Variants in PCCA observed in about 807,000 individuals in gnomAD.
PCCA encodes the protein propionyl-CoA carboxylase alpha chain, mitochondrial.
PCCA carries 74 observed loss-of-function variants against 101.3 expected under a neutral mutation model. That is an observed-to-expected ratio of 0.73 (90% CI 0.61 to 0.89). PCCA has a LOEUF of 0.89. PCCA is among the 40% of genes least tolerant of loss of function. PCCA has a pLI of 0.00. For synonymous variants in PCCA, 294 were observed against 313.6 expected, an observed-to-expected ratio of 0.94 and a Z score of 0.66; for missense variants, 891 against 907.0, an observed-to-expected ratio of 0.98 and a Z score of 0.23.
intron 6 of PCCA, among the ~76,000 whole-genome samples, chr13:100,206,305 T>C (rs1044376973): frequency 1.3e-5 from 2 of 152,170 alleles, no homozygotes; most frequent in African/African-American, 2.4e-5. Context: ...CTCACTCTGT[T>C]GCCCAGGCTG....
intron 12 of PCCA, among the ~76,000 whole-genome samples, chr13:100,296,453 T>C (rs908297614): frequency 1.3e-5 from 2 of 151,494 alleles, no homozygotes; most frequent in African/African-American, 2.4e-5. Context: ...AGTTTTGCCA[T>C]GTTGTCCAGT....
intron 4 of PCCA, among the ~76,000 whole-genome samples, chr13:100,130,755 A>G (rs1256458981): frequency 6.6e-6 from 1 of 152,210 alleles, no homozygotes; most frequent in African/African-American, 2.4e-5. Flanking sequence ...TAAATATAGC[A>G]AAGTGTCTTC....
chr13:100,147,902 A>G (rs1171469978), intron 4 of PCCA, among the ~76,000 whole-genome samples: 2 of 152,110 alleles, frequency 1.3e-5, no homozygotes, highest in Non-Finnish European at 2.9e-5. Flanking sequence ...TAAAATCTGT[A>G]TAACATAAAG....
At chr13:100,242,363 C>A (rs2061192166) in intron 8 of PCCA, among the ~76,000 whole-genome samples, 1 of 152,038 alleles carries the variant, frequency 6.6e-6, no homozygotes, top group South Asian at 2.1e-4. Flanking sequence ...TGTATATGCA[C>A]CAGGAAACAT....
At chr13:100,238,365 T>G (rs2060932530) in intron 8 of PCCA, among the ~76,000 whole-genome samples, 2 of 152,296 alleles carry the variant, frequency 1.3e-5, no homozygotes, top group South Asian at 2.1e-4. Context: ...CTTTACCTCC[T>G]TTTCATTTTT....
rs371608157 is a variant in PCCA, at chr13:100,182,245, C to T, written c.468+24905C>T. Among the ~76,000 whole-genome samples, 901 of 151,484 alleles carry T rather than the reference C, an allele frequency of 5.9e-3. 7 individuals are homozygous for T. The highest frequency in any genetic ancestry group is 0.026 in the South Asian group (125 of 4,792). ...CTGAGTAGCTGGAATTACAGGTGTG[C>T]GCCACCACACCTGGCTCATTTTTGT... On this transcript the variant is annotated intron_variant, in intron 6 of 23. Transcript: ENST00000376285.
At chr13:100,277,607 C>G (rs1162016485) in intron 12 of PCCA, among the ~76,000 whole-genome samples, 1 of 152,128 alleles carries the variant, frequency 6.6e-6, no homozygotes, top group Non-Finnish European at 1.5e-5. Context: ...AAGCAGTGAG[C>G]GGGCAGTGGA....
At chr13:100,338,486 A>G (rs1160451790) in intron 17 of PCCA, among the ~76,000 whole-genome samples, 1 of 152,116 alleles carries the variant, frequency 6.6e-6, no homozygotes. Context: ...TGACCTTGCA[A>G]GGACTCCTGG....
chr13:100,250,504 T>G (rs2061685597), intron 8 of PCCA, among the ~76,000 whole-genome samples: 1 of 152,096 alleles, frequency 6.6e-6, no homozygotes, highest in Non-Finnish European at 1.5e-5. Flanking sequence ...TGCTTTTTTC[T>G]TATTTATCTC....
chr13:100,335,096 T>C (rs1186355403), intron 17 of PCCA, among the ~76,000 whole-genome samples: 4 of 152,186 alleles, frequency 2.6e-5, no homozygotes, highest in African/African-American at 7.2e-5. Flanking sequence ...GTCTGCTACA[T>C]AGGAAAGAAT....
At chr13:100,231,676 G>C (rs2060478944) in intron 7 of PCCA, among the ~76,000 whole-genome samples, 1 of 152,108 alleles carries the variant, frequency 6.6e-6, no homozygotes, top group Non-Finnish European at 1.5e-5. Context: ...GTGTACCTAA[G>C]AGCATACAAT....
chr13:100,303,790 GT>G (rs1460204306), intron 14 of PCCA, among the ~76,000 whole-genome samples: 2 of 152,004 alleles, frequency 1.3e-5, no homozygotes, highest in Non-Finnish European at 2.9e-5. Flanking sequence ...TTTTTAAATT[GT>G]TTTTGCCCAT....
At chr13:100,167,483 G>C (rs2055165763) in intron 6 of PCCA, among the ~76,000 whole-genome samples, 1 of 152,128 alleles carries the variant, frequency 6.6e-6, no homozygotes, top group Admixed American at 6.6e-5. Context: ...CTTGGAGTTT[G>C]AGGCTGCAGT....
chr13:100,146,223 G>A (rs2052543094), intron 4 of PCCA, among the ~76,000 whole-genome samples: 2 of 151,598 alleles, frequency 1.3e-5, no homozygotes, highest in Non-Finnish European at 2.9e-5. Flanking sequence ...TTACAGGCGT[G>A]AGCCACCGCA....
intron 16 of PCCA, among the ~76,000 whole-genome samples, chr13:100,313,383 T>C (rs1220842191): frequency 6.6e-6 from 1 of 152,232 alleles, no homozygotes; most frequent in African/African-American, 2.4e-5. Context: ...GAAGTTTTAT[T>C]ACTCAAATAA....
chr13:100,382,789 G>A (rs1595688396), intron 19 of PCCA, among the ~76,000 whole-genome samples: 1 of 152,152 alleles, frequency 6.6e-6, no homozygotes, highest in Admixed American at 6.5e-5. Context: ...AGGCAGTTGG[G>A]CTTGGAGATA....
Position 100,488,474 on chromosome 13 carries a change from C to G in PCCA, c.1900-26953C>G, listed in dbSNP as rs536118162. Among the ~76,000 whole-genome samples, 31 of 152,190 alleles carry G rather than the reference C, an allele frequency of 2.0e-4. 1 individual carries two copies. Among genetic ancestry groups the G allele is most frequent in the African/African-American group, 7.0e-4 (29 of 41,520 alleles). On this transcript the variant is annotated intron_variant, in intron 21 of 23. Coordinates refer to ENST00000376285, the MANE Select transcript of PCCA (RefSeq NM_000282.4). ...AAATTGCAAAAATATTGCACATTAG[C>G]ATTTTAAAGTTAGTGGAGGCTGGGC...
At chr13:100,328,404 A>AATAATGATG (rs904123736) in intron 16 of PCCA, among the ~76,000 whole-genome samples, 6 of 144,780 alleles carry the variant, frequency 4.1e-5, no homozygotes, top group African/African-American at 1.0e-4. Flanking sequence ...TAATAATAAT[A>AATAATGATG]ATGATGATAA....
chr13:100,274,229 G>GT (rs1488458925), intron 12 of PCCA, among the ~76,000 whole-genome samples: 1 of 151,960 alleles, frequency 6.6e-6, no homozygotes, highest in Non-Finnish European at 1.5e-5. Flanking sequence ...ACTTTTGTTT[G>GT]TTTTTTAAAA....
Sources: gnomAD v4.1 joint callset for allele counts (sites outside exome capture counted in the v4.1 genomes callset) on GRCh38, gnomAD v4.1.1 for gene constraint, MANE v1.5 for transcripts, NCBI Gene and HGNC (gene_info 2026-07-23, HGNC 2026-07-21) for gene names.